The following OPCML variants were observed in gnomAD, a reference collection of about 807,000 sequenced individuals.
OPCML encodes the protein opioid-binding protein/cell adhesion molecule.
Under a neutral mutation model 37.8 loss-of-function variants are expected in OPCML, and 13 were observed. The observed-to-expected ratio is 0.34, with a 90% CI of 0.22 to 0.55. The LOEUF is 0.55. OPCML is among the 20% of genes least tolerant of loss of function. The pLI is 0.91. For synonymous variants in OPCML, 176 were observed against 168.8 expected (o/e 1.04, Z -0.33); for missense variants, 341 against 435.6 (o/e 0.78, Z 1.93).
At position 133,142,321 on chromosome 11, in the gene OPCML, C is replaced by A. The variant is rs550532649; in HGVS notation, c.62-199311G>T. 1.1e-3 allele frequency among the ~76,000 whole-genome samples: 167 copies of A among 152,310 alleles called. 2 individuals carry two copies. The highest frequency in any genetic ancestry group is 4.6e-4 in the Non-Finnish European group (31 of 68,032). On this transcript the variant is annotated intron_variant, in intron 1 of 7. Transcript: ENST00000524381. ...ACATGTTCCCCAGTGGCCTGACTGT[C>A]TTTATCCCACTCTGGTCAGAATGAT...
chr11:132,444,646 C>T (rs1424903361), intron 4 of OPCML, among the ~76,000 whole-genome samples: 1 of 152,150 alleles, frequency 6.6e-6, no homozygotes, highest in Non-Finnish European at 1.5e-5. Flanking sequence ...AACTTAATCC[C>T]TGCAGAACTC....
At chr11:133,178,214 G>A (rs1311215069) in intron 1 of OPCML, among the ~76,000 whole-genome samples, 1 of 152,082 alleles carries the variant, frequency 6.6e-6, no homozygotes, top group Middle Eastern at 3.2e-3. Flanking sequence ...ATGACAAAGA[G>A]GTGTTAGAAA....
chr11:132,888,470 G>A (rs1943507989), intron 2 of OPCML, among the ~76,000 whole-genome samples: 1 of 151,122 alleles, frequency 6.6e-6, no homozygotes, highest in Admixed American at 6.6e-5. Context: ...GCCTGTGCCT[G>A]CCTTACTTTC....
In OPCML at chr11:132,418,840, G is replaced by C. The variant is rs534335180; in HGVS notation, c.*1353C>G. 1 of 152,756 alleles carries C rather than the reference G, an allele frequency of 6.5e-6. No individual in the cohort carries two copies. Among genetic ancestry groups the C allele is most frequent in the African/African-American group, 2.4e-5 (1 of 41,568 alleles). The allele number at this position is 152,756 out of a possible 1,614,324, so 9.5% of individuals were successfully genotyped here. A position where few individuals can be genotyped will look rare whatever the true frequency, so the allele number is the denominator to read the frequency against. On this transcript the variant is annotated 3_prime_UTR_variant, in exon 8 of 8. Transcript: ENST00000524381. ...TTCCTGACATGTACTTTCTTGAAGG[G>C]TTGAGAGAAGCATAAAGGCTGGCAC...
chr11:133,433,340 G>A lies in OPCML; in HGVS notation c.61+98924C>T, dbSNP rs184338421. Among the ~76,000 whole-genome samples, 11 of 150,720 alleles carry A rather than the reference G, an allele frequency of 7.3e-5. No individual in the cohort carries two copies. The East Asian group carries it at 1.5e-3, about 21-fold the overall frequency. ...CTGACAGCCATTTTTATTTCTTTGC[G>A]CATAATTACACACATATATTTTATA... On this transcript the variant is annotated intron_variant, in intron 1 of 7. Transcript: ENST00000524381.
chr11:133,126,709 A>G (rs1429331312), intron 1 of OPCML, among the ~76,000 whole-genome samples: 1 of 152,158 alleles, frequency 6.6e-6, no homozygotes, highest in Non-Finnish European at 1.5e-5. Flanking sequence ...CATATTTTAA[A>G]ATTCTTTCTG....
chr11:133,398,610 TAA>T (rs112784318), intron 1 of OPCML, among the ~76,000 whole-genome samples: 1 of 150,030 alleles, frequency 6.7e-6, no homozygotes, highest in African/African-American at 2.4e-5. Flanking sequence ...TATCTTTTTT[TAA>T]AAAAAAAAAT....
intron 1 of OPCML, among the ~76,000 whole-genome samples, chr11:133,055,847 A>C (rs1257199988): frequency 6.6e-6 from 1 of 151,348 alleles, no homozygotes; most frequent in Admixed American, 6.6e-5. Context: ...AGCCGCCTCT[A>C]CCGTATAATG....
intron 2 of OPCML, among the ~76,000 whole-genome samples, chr11:132,750,998 C>T (rs1945812631): frequency 6.6e-6 from 1 of 152,250 alleles, no homozygotes; most frequent in African/African-American, 2.4e-5. Flanking sequence ...CAGCAACTCA[C>T]AAGTTGTTCG....
intron 3 of OPCML, among the ~76,000 whole-genome samples, chr11:132,612,224 C>A (rs1048105966): frequency 1.3e-5 from 2 of 152,322 alleles, no homozygotes; most frequent in East Asian, 3.9e-4. Context: ...GTGTTGTCCA[C>A]ATCCAAAAAC....
At chr11:132,443,574 T>C (rs1246519878) in intron 4 of OPCML, among the ~76,000 whole-genome samples, 3 of 152,194 alleles carry the variant, frequency 2.0e-5, no homozygotes, top group African/African-American at 7.2e-5. Flanking sequence ...GCCTGAACCA[T>C]CTTAGAAACA....
intron 1 of OPCML, among the ~76,000 whole-genome samples, chr11:133,496,413 A>G (rs1175467036): frequency 6.6e-6 from 1 of 152,084 alleles, no homozygotes; most frequent in African/African-American, 2.4e-5. Context: ...GAATTTTAGA[A>G]TTGTTTTCTC....
chr11:133,128,310 C>T (rs1006675500), intron 1 of OPCML, among the ~76,000 whole-genome samples: 6 of 152,166 alleles, frequency 3.9e-5, no homozygotes, highest in African/African-American at 1.2e-4. Context: ...GACAGTTGTC[C>T]TAATGCCTGC....
chr11:133,024,501 A>G (rs1947512167), intron 1 of OPCML: 2 of 985,274 alleles, frequency 2.0e-6, no homozygotes, highest in African/African-American at 3.5e-5. Flanking sequence ...AATGAGATGT[A>G]GAGTTTAAGA....
chr11:133,141,048 CGAAGAAGAAGAAGAA>C lies in OPCML; in HGVS notation c.62-198053_62-198039del, dbSNP rs1161324241. 3.5e-4 allele frequency among the ~76,000 whole-genome samples: 2 copies of C among 5,776 alleles called. 1 individual carries two copies. The highest frequency in any genetic ancestry group is 1.1e-3 in the Non-Finnish European group (2 of 1,836). The allele number at this position is 5,776 out of a possible 152,430, so 3.8% of individuals were successfully genotyped here. On this transcript the variant is annotated intron_variant, in intron 1 of 7. Coordinates refer to ENST00000524381, the MANE Select transcript of OPCML (RefSeq NM_001012393.5). Reference sequence around the variant, plus strand: ...ACGACGACGACGACGACGACGACGACGAAGAAGAAGAAGAAGAAGAAGAAGAAGAAGAAGAAGAAG... The same window carrying C: ...ACGACGACGACGACGACGACGACGACGAAGAAGAAGAAGAAGAAGAAGAAG...
chr11:133,408,755 G>C (rs1289530937), intron 1 of OPCML, among the ~76,000 whole-genome samples: 1 of 152,134 alleles, frequency 6.6e-6, no homozygotes, highest in African/African-American at 2.4e-5. Flanking sequence ...ACCAACACCA[G>C]GAGAATGTGC....
intron 1 of OPCML, among the ~76,000 whole-genome samples, chr11:133,210,722 GCT>G (rs1939321405): frequency 6.6e-6 from 1 of 152,062 alleles, no homozygotes; most frequent in South Asian, 2.1e-4. Flanking sequence ...GTGGAATGAA[GCT>G]CTTTTCTAGG....
rs1001973738 is a variant in OPCML at position 132,563,568 on chromosome 11, A to C, written c.380-34382T>G. Among the ~76,000 whole-genome samples the C allele has an allele frequency of 3.3e-5, 5 of 151,866 alleles. No homozygotes were observed. The South Asian group carries it at 6.3e-4, about 19-fold the overall frequency. The stretch of plus-strand genomic sequence containing the variant: ...CACTGGGAATGTACTAAATGTCACT[A>C]TATTAATTGTTCATTTTAAATTGGT... On this transcript the variant is annotated intron_variant, in intron 3 of 7. Coordinates refer to ENST00000524381, the MANE Select transcript of OPCML (RefSeq NM_001012393.5).
intron 2 of OPCML, among the ~76,000 whole-genome samples, chr11:132,867,663 G>A (rs771901695): frequency 1.3e-5 from 2 of 152,154 alleles, no homozygotes; most frequent in Non-Finnish European, 2.9e-5. Flanking sequence ...AGAGCTGAAG[G>A]GTTATTCGTT....
Sources: gnomAD v4.1 joint callset for allele counts (sites outside exome capture counted in the v4.1 genomes callset) on GRCh38, gnomAD v4.1.1 for gene constraint, MANE v1.5 for transcripts, NCBI Gene and HGNC (gene_info 2026-07-23, HGNC 2026-07-21) for gene names.